The following GTF3C5 variants were observed in gnomAD, a reference collection of about 807,000 sequenced individuals.
GTF3C5 encodes general transcription factor 3C polypeptide 5.
Under a neutral mutation model 61.0 loss-of-function variants are expected in GTF3C5, and 47 were observed. That is an observed-to-expected ratio of 0.77 (90% CI 0.61 to 0.98). The LOEUF (loss-of-function observed/expected upper bound fraction) is 0.98. GTF3C5 is among the 50% of genes least tolerant of loss of function. The pLI is 0.00. For missense variants in GTF3C5, 659 were observed against 703.3 expected, an observed-to-expected ratio of 0.94 and a Z score of 0.71; for synonymous variants, 295 against 275.4, an observed-to-expected ratio of 1.07 and a Z score of -0.71.
chr9:133,046,841 C>T (rs1008227148), intron 3 of GTF3C5, among the ~76,000 whole-genome samples: 1 of 152,094 alleles, frequency 6.6e-6, no homozygotes, highest in Non-Finnish European at 1.5e-5. Flanking sequence ...CTTTCCAGAC[C>T]AGGGGATTGG....
rs150471154 is a variant in GTF3C5, at chr9:133,055,079, C to A, written c.1167+270C>A. ...AGCAGCTGCATGTGGTTGTCCTTCT[C>A]GAGCCCTTTGGGAGCCTGGGCCCCC... On this transcript the variant is annotated intron_variant, in intron 8 of 10. Coordinates refer to ENST00000372097, the MANE Select transcript of GTF3C5 (RefSeq NM_012087.4). The A allele has an allele frequency of 4.0e-5, 62 of 1,550,676 alleles. 1 individual carries two copies. In the South Asian group the frequency reaches 7.2e-4, roughly 18 times the overall value.
intron 5 of GTF3C5, 47 bp downstream of exon 5, chr9:133,052,211 G>A (rs776866609): frequency 3.0e-6 from 3 of 988,832 alleles, no homozygotes; most frequent in Admixed American, 3.6e-5. Flanking sequence ...CACCCATGTG[G>A]TCCCTGGTCC....
chr9:133,031,224 A>G, intron 1 of GTF3C5, 60 bp downstream of exon 1: 1 of 1,433,942 alleles, frequency 7.0e-7, no homozygotes, highest in Non-Finnish European at 9.4e-7. Flanking sequence ...GAAAACGAGC[A>G]CTCAAAGGAT....
intron 1 of GTF3C5, among the ~76,000 whole-genome samples, chr9:133,040,176 C>A (rs762398449): frequency 6.6e-6 from 1 of 152,164 alleles, no homozygotes; most frequent in Non-Finnish European, 1.5e-5. Flanking sequence ...TGTGCCAGGC[C>A]TACGTTTGGG....
chr9:133,053,786 G>GGGGT, intron 5 of GTF3C5, 42 bp from the exon 6 acceptor site: 1 of 1,315,998 alleles, frequency 7.6e-7, no homozygotes, highest in Non-Finnish European at 1.1e-6. Context: ...AGGGACCTGG[G>GGGGT]CCTTCACCTC....
chr9:133,030,966 G>C (rs753610409), upstream of GTF3C5: 4 of 1,605,890 alleles, frequency 2.5e-6, no homozygotes, highest in East Asian at 8.9e-5. Context: ...GCCTTTGGGA[G>C]TACTTTGTGG....
chr9:133,046,198 G>A (rs555884661), intron 3 of GTF3C5, among the ~76,000 whole-genome samples: 10 of 152,252 alleles, frequency 6.6e-5, no homozygotes, highest in East Asian at 5.8e-4. Flanking sequence ...GCATGGTGGC[G>A]TGCACCTGTA....
chr9:133,032,415 A>T (rs917585492), intron 1 of GTF3C5, among the ~76,000 whole-genome samples: 1 of 150,366 alleles, frequency 6.7e-6, no homozygotes, highest in African/African-American at 2.5e-5. Flanking sequence ...GGGCAGTTAA[A>T]CAGAGCGGGT....
intron 3 of GTF3C5, among the ~76,000 whole-genome samples, chr9:133,048,866 T>TGG (rs1165896192): frequency 6.6e-6 from 1 of 152,158 alleles, no homozygotes; most frequent in African/African-American, 2.4e-5. Context: ...TTCCAGCACC[T>TGG]GGAAAGAACC....
chr9:133,043,652 C>T, intron 2 of GTF3C5, 76 bp from the exon 3 acceptor site: 1 of 1,185,462 alleles, frequency 8.4e-7, no homozygotes, highest in Non-Finnish European at 1.3e-6. Context: ...CCTCCCTAAG[C>T]AGATGTGGGT....
chr9:133,054,870 T>C, intron 8 of GTF3C5, 61 bp downstream of exon 8: 1 of 1,539,234 alleles, frequency 6.5e-7, no homozygotes, highest in East Asian at 2.5e-5. Flanking sequence ...CCGGGCACCT[T>C]GTGGGTGACA....
chr9:133,047,863 G>A (rs1215559745), intron 3 of GTF3C5, among the ~76,000 whole-genome samples: 1 of 152,200 alleles, frequency 6.6e-6, no homozygotes, highest in East Asian at 1.9e-4. Flanking sequence ...AGTGGCTCAT[G>A]CCTGTAATTC....
chr9:133,031,002 A>G lies in GTF3C5; in HGVS notation c.-10A>G, dbSNP rs1351757246. ...GACGGACCCTGGCGGGCCCTGCCAG[A>G]CGCACAGGGATGGCGGCGGAGGCGG... On this transcript the variant is annotated 5_prime_UTR_variant, in exon 1 of 11. Coordinates refer to ENST00000372097, the MANE Select transcript of GTF3C5 (RefSeq NM_012087.4). 6.2e-7 allele frequency: 1 copy of G among 1,612,312 alleles called. No homozygotes were observed. Among genetic ancestry groups the G allele is most frequent in the African/African-American group, 1.3e-5 (1 of 75,040 alleles).
chr9:133,044,942 G>A (rs1199220548), intron 3 of GTF3C5, among the ~76,000 whole-genome samples: 2 of 136,466 alleles, frequency 1.5e-5, no homozygotes, highest in Non-Finnish European at 3.1e-5. Context: ...GCCTGCCCAA[G>A]CCCACATGCA....
intron 3 of GTF3C5, among the ~76,000 whole-genome samples, chr9:133,048,583 C>A (rs554108440): frequency 1.3e-5 from 2 of 152,210 alleles, no homozygotes; most frequent in South Asian, 4.1e-4. Context: ...GCAGGAGAAT[C>A]GCTTGAACCC....
At position 133,050,558 on chromosome 9, in the gene GTF3C5, G is replaced by A. The variant is rs549720154; in HGVS notation, c.573-225G>A. Among the ~76,000 whole-genome samples the A allele has an allele frequency of 1.4e-4, 22 of 152,290 alleles. No individual in the cohort carries two copies. The Middle Eastern group carries it at 0.01, about 71-fold the overall frequency. ...CCAGTTTGAGAGCTGCAGGCCCCAG[G>A]GTTTCTCTGAGTTGTCATAGGCAGT... On this transcript the variant is annotated intron_variant, in intron 3 of 10. Transcript: ENST00000372097.
At chr9:133,056,181 C>A in intron 9 of GTF3C5, 87 bp downstream of exon 9, 1 of 1,068,232 alleles carries the variant, frequency 9.4e-7, no homozygotes, top group Non-Finnish European at 1.4e-6. Context: ...CACTTCACGT[C>A]GGCCTTCATC....
chr9:133,054,260 G>T, intron 6 of GTF3C5, 148 bp from the exon 7 acceptor site: 1 of 657,866 alleles, frequency 1.5e-6, no homozygotes, highest in Non-Finnish European at 2.7e-6. Flanking sequence ...GAGATGTGTT[G>T]GTGACCGCAG....
At chr9:133,041,289 G>A (rs748237800) in intron 1 of GTF3C5, among the ~76,000 whole-genome samples, 5 of 152,204 alleles carry the variant, frequency 3.3e-5, no homozygotes, top group African/African-American at 4.8e-5. Context: ...AGACCTGCCC[G>A]CAGTTATCCG....
Sources: gnomAD v4.1 joint callset for allele counts (sites outside exome capture counted in the v4.1 genomes callset) on GRCh38, gnomAD v4.1.1 for gene constraint, MANE v1.5 for transcripts, NCBI Gene and HGNC (gene_info 2026-07-23, HGNC 2026-07-21) for gene names.